SEMA4D: variants seen among roughly 807,000 people sequenced by gnomAD.
SEMA4D encodes semaphorin 4D, also known as semaphorin-4D.
Under a neutral mutation model 74.8 loss-of-function variants are expected in SEMA4D, and 22 were observed. The observed-to-expected ratio is 0.29, with a 90% CI of 0.21 to 0.42. The LOEUF (loss-of-function observed/expected upper bound fraction) is 0.42. Ranked by LOEUF, SEMA4D falls within the 10% of genes least tolerant of loss-of-function variation. SEMA4D has a pLI of 1.00. For synonymous variants in SEMA4D, 445 were observed against 463.7 expected (o/e 0.96, Z 0.52); for missense variants, 937 against 1,118.4 (o/e 0.84, Z 2.31).
intron 2 of SEMA4D, among the ~76,000 whole-genome samples, chr9:89,453,886 C>G (rs1407094141): frequency 3.0e-5 from 4 of 131,198 alleles, no homozygotes; most frequent in Admixed American, 1.7e-4. Flanking sequence ...GAGATGGAGT[C>G]TTGCTCTGTC....
chr9:89,481,754 A>G (rs917930407), intron 1 of SEMA4D, among the ~76,000 whole-genome samples: 11 of 152,194 alleles, frequency 7.2e-5, no homozygotes, highest in African/African-American at 2.2e-4. Flanking sequence ...CAAGCCAGCC[A>G]AGATTAACCT....
At chr9:89,413,784 G>A (rs1338860448) in intron 2 of SEMA4D, among the ~76,000 whole-genome samples, 2 of 152,208 alleles carry the variant, frequency 1.3e-5, no homozygotes, top group Admixed American at 1.3e-4. Flanking sequence ...CCATACATAT[G>A]TATCTGTGTA....
chr9:89,433,904 C>T (rs961388634), intron 2 of SEMA4D, among the ~76,000 whole-genome samples: 3 of 152,180 alleles, frequency 2.0e-5, no homozygotes, highest in African/African-American at 4.8e-5. Context: ...CCAGCCAGAG[C>T]GCCACCACTC....
Position 89,480,454 on chromosome 9 carries a change from G to A in SEMA4D, c.-310+17465C>T, listed in dbSNP as rs376323391. Among the ~76,000 whole-genome samples, 21 of 152,364 alleles carry A rather than the reference G, an allele frequency of 1.4e-4. No homozygotes were observed. The East Asian group carries it at 3.5e-3, about 25-fold the overall frequency. The stretch of plus-strand genomic sequence containing the variant: ...CCTTGGGTGGTCGATGGGACTGGGC[G>A]CCGTGGAGCAGGGGGTGGCTCTCGT... On this transcript the variant is annotated intron_variant, in intron 1 of 15. Transcript: ENST00000422704.
intron 2 of SEMA4D, chr9:89,436,319 C>T (rs1850378610): frequency 6.6e-6 from 1 of 152,296 alleles, no homozygotes; most frequent in African/African-American, 2.4e-5. Context: ...CAGCTGGCCT[C>T]ACCTTTCCAG....
rs1371131447 is a variant in SEMA4D, at chr9:89,377,427, A to G, written c.*1277T>C. The G allele has an allele frequency of 1.2e-5, 2 of 168,144 alleles. No homozygotes were observed. The highest frequency in any genetic ancestry group is 3.3e-4 in the East Asian group (2 of 6,036). The allele number at this position is 168,144 out of a possible 1,614,324, so 10.4% of individuals were successfully genotyped here. A position where few individuals can be genotyped will look rare whatever the true frequency, so the allele number is the denominator to read the frequency against. On this transcript the variant is annotated 3_prime_UTR_variant, in exon 16 of 16. Coordinates refer to ENST00000422704, the MANE Select transcript of SEMA4D (RefSeq NM_001371194.2). ...AGAGTTTATTGCTCTTCACCATGGA[A>G]AAAAAGTCTCTTCCCGATGGGTATT... is the stretch of plus-strand genomic sequence containing the variant.
chr9:89,493,976 T>A (rs1254310811), intron 1 of SEMA4D, among the ~76,000 whole-genome samples: 5 of 152,212 alleles, frequency 3.3e-5, no homozygotes, highest in Non-Finnish European at 7.3e-5. Context: ...AGGGTCTTTG[T>A]CTTGTCTCCC....
intron 1 of SEMA4D, chr9:89,472,655 GA>G (rs1375642930): frequency 5.8e-6 from 1 of 172,404 alleles, no homozygotes; most frequent in Non-Finnish European, 1.2e-5. Context: ...TGGAATATAT[GA>G]AACTTCCTCA....
At chr9:89,431,754 T>C (rs1176977994) in intron 2 of SEMA4D, among the ~76,000 whole-genome samples, 5 of 152,060 alleles carry the variant, frequency 3.3e-5, no homozygotes, top group Non-Finnish European at 5.9e-5. Context: ...CACCTTGGCC[T>C]CCCAAAGCCC....
chr9:89,458,791 C>G (rs1856575826), intron 1 of SEMA4D, among the ~76,000 whole-genome samples: 1 of 152,048 alleles, frequency 6.6e-6, no homozygotes, highest in Admixed American at 6.6e-5. Flanking sequence ...ATGCCATATT[C>G]ACATACACAC....
chr9:89,450,279 GGA>G, intron 2 of SEMA4D: 1 of 956,210 alleles, frequency 1.0e-6, no homozygotes, highest in South Asian at 1.3e-5. Flanking sequence ...CAAGGATGCA[GGA>G]GAGAGAACCA....
chr9:89,380,957 AACAAAACACAC>A, intron 15 of SEMA4D, 87 bp downstream of exon 15: 1 of 1,452,478 alleles, frequency 6.9e-7, no homozygotes, highest in East Asian at 2.3e-5. Context: ...GAGAAAGAAA[AACAAAACACAC>A]ACAAATGCCA....
intron 2 of SEMA4D, among the ~76,000 whole-genome samples, chr9:89,440,868 C>T (rs138755568): frequency 6.3e-4 from 96 of 152,350 alleles, no homozygotes; most frequent in African/African-American, 2.2e-3. Flanking sequence ...AGGAGACAAG[C>T]TGGCCTGGTG....
intron 8 of SEMA4D, among the ~76,000 whole-genome samples, 193 bp from the exon 9 acceptor site, chr9:89,391,608 G>T (rs1839884949): frequency 6.6e-6 from 1 of 152,156 alleles, no homozygotes; most frequent in Non-Finnish European, 1.5e-5. Context: ...GAGCCCAGAT[G>T]GTGCCCTACC....
At chr9:89,486,832 AG>A (rs1279005328) in intron 1 of SEMA4D, among the ~76,000 whole-genome samples, 6 of 152,170 alleles carry the variant, frequency 3.9e-5, no homozygotes, top group African/African-American at 1.4e-4. Flanking sequence ...ACTTGAGCCC[AG>A]GAAGTCAAGG....
intron 16 of SEMA4D, among the ~76,000 whole-genome samples, chr9:89,370,012 T>C (rs946105176): frequency 3.3e-5 from 5 of 151,854 alleles, no homozygotes; most frequent in Admixed American, 6.6e-5. Context: ...GATTGGTGTG[T>C]GTGTGATGTG....
chr9:89,412,216 G>A (rs1844687576), intron 2 of SEMA4D, among the ~76,000 whole-genome samples: 1 of 152,228 alleles, frequency 6.6e-6, no homozygotes, highest in Non-Finnish European at 1.5e-5. Context: ...GACCCGGAGA[G>A]GACAAAGGTA....
chr9:89,399,423 A>C, intron 4 of SEMA4D, 85 bp from the exon 5 acceptor site: 2 of 1,047,614 alleles, frequency 1.9e-6, no homozygotes, highest in East Asian at 4.7e-5. Context: ...CACATGATAG[A>C]GTTTAGAGCC....
At chr9:89,442,663 G>A (rs895471730) in intron 2 of SEMA4D, among the ~76,000 whole-genome samples, 9 of 152,314 alleles carry the variant, frequency 5.9e-5, no homozygotes, top group Admixed American at 6.5e-5. Context: ...AGCTAGCAAA[G>A]AATCAGACCC....
Sources: gnomAD v4.1 joint callset for allele counts (sites outside exome capture counted in the v4.1 genomes callset) on GRCh38, gnomAD v4.1.1 for gene constraint, MANE v1.5 for transcripts, NCBI Gene and HGNC (gene_info 2026-07-23, HGNC 2026-07-21) for gene names.